Variants in GFRA1 observed in about 807,000 individuals in gnomAD.
The protein encoded by GFRA1 is GDNF family receptor alpha-1.
Under a neutral mutation model 51.6 loss-of-function variants are expected in GFRA1, and 16 were observed. The ratio of observed to expected loss-of-function variants is 0.31; its 90% CI spans 0.21 to 0.47. The LOEUF (loss-of-function observed/expected upper bound fraction) is 0.47, where lower values mean the gene tolerates loss of function less well. Ranked by LOEUF, GFRA1 falls within the 20% of genes least tolerant of loss-of-function variation. The probability of loss-of-function intolerance (pLI) is 1.00; values close to 1 mark genes in which losing one functional copy is unlikely to be tolerated. For missense variants in GFRA1, 530 were observed against 594.3 expected, an observed-to-expected ratio of 0.89 and a Z score of 1.13; for synonymous variants, 270 against 241.3, an observed-to-expected ratio of 1.12 and a Z score of -1.10.
At chr10:116,267,432 C>T (rs931190141) in intron 4 of GFRA1, among the ~76,000 whole-genome samples, 1 of 152,154 alleles carries the variant, frequency 6.6e-6, no homozygotes, top group African/African-American at 2.4e-5. Flanking sequence ...TGCCACTGCA[C>T]TCCAGCCTGG....
intron 5 of GFRA1, among the ~76,000 whole-genome samples, chr10:116,177,898 A>T (rs1364364641): frequency 6.6e-6 from 1 of 152,178 alleles, no homozygotes; most frequent in Non-Finnish European, 1.5e-5. Flanking sequence ...CCAGAGAGCC[A>T]GGGCCATGGT....
intron 6 of GFRA1, among the ~76,000 whole-genome samples, chr10:116,106,041 G>A (rs1296546290): frequency 6.6e-6 from 1 of 152,172 alleles, no homozygotes; most frequent in Non-Finnish European, 1.5e-5. Context: ...GGAGGCAAGT[G>A]AGGGTGTCAT....
rs1954855916 is a variant in GFRA1 at position 116,062,330 on chromosome 10, CTTACT to C, written c.*2063_*2067del. The C allele has an allele frequency of 2.6e-6, 1 of 391,244 alleles. No individual in the cohort carries two copies. The highest frequency in any genetic ancestry group is 1.4e-4 in the South Asian group (1 of 6,962). 24.2% of individuals were successfully genotyped at this position (391,244 alleles called of 1,614,324 possible). On this transcript the variant is annotated 3_prime_UTR_variant, in exon 11 of 11. Transcript: ENST00000355422. ...CTGGCATTCCAAATATTTTGACACA[CTTACT>C]TAATGTGTTTATTCAAAGTAAGAGT... is the stretch of plus-strand genomic sequence containing the variant.
intron 5 of GFRA1, among the ~76,000 whole-genome samples, chr10:116,191,764 C>G (rs900410000): frequency 6.6e-6 from 1 of 152,234 alleles, no homozygotes. Context: ...CAGTGGCTCA[C>G]GCCTGTAATC....
chr10:116,125,665 T>TA lies in GFRA1; in HGVS notation c.434-109dup. 1.3e-5 allele frequency: 11 copies of TA among 851,818 alleles called. 2 individuals carry two copies. The South Asian group carries it at 1.6e-4, about 12-fold the overall frequency. The allele number at this position is 851,818 out of a possible 1,614,324, so 52.8% of individuals were successfully genotyped here. ...ATTTATCTGGCATTGCCAGCGGCTC[T>TA]AGAACTTAATGAGTTTTGAAGCTAA... On this transcript the variant is annotated intron_variant, in intron 5 of 10. Coordinates refer to ENST00000355422, the MANE Select transcript of GFRA1 (RefSeq NM_005264.8).
intron 5 of GFRA1, among the ~76,000 whole-genome samples, chr10:116,197,647 G>A (rs1054618462): frequency 3.9e-5 from 6 of 152,124 alleles, no homozygotes; most frequent in African/African-American, 9.7e-5. Context: ...ATGAGGTCAC[G>A]TTCTGAGGTT....
chr10:116,187,984 G>C (rs113837355), intron 5 of GFRA1, among the ~76,000 whole-genome samples: 2,880 of 152,216 alleles, frequency 0.019, 48 homozygotes, highest in South Asian at 0.038. Context: ...TGGCAGATAT[G>C]AATCTAGACA....
At chr10:116,247,950 A>G (rs1209791159) in intron 4 of GFRA1, among the ~76,000 whole-genome samples, 1 of 152,170 alleles carries the variant, frequency 6.6e-6, no homozygotes, top group Non-Finnish European at 1.5e-5. Flanking sequence ...CTTTAAGGAG[A>G]CTTCAGCTTT....
chr10:116,200,812 G>T (rs777160471), intron 5 of GFRA1, among the ~76,000 whole-genome samples: 1 of 152,198 alleles, frequency 6.6e-6, no homozygotes, highest in Non-Finnish European at 1.5e-5. Context: ...ACACATTGGG[G>T]TTAGGATTTT....
At chr10:116,199,228 A>G (rs1273898747) in intron 5 of GFRA1, among the ~76,000 whole-genome samples, 3 of 152,158 alleles carry the variant, frequency 2.0e-5, no homozygotes, top group Non-Finnish European at 4.4e-5. Flanking sequence ...TAACTGCAGC[A>G]TCCAAGTCCA....
chr10:116,156,701 G>A lies in GFRA1; in HGVS notation c.434-31144C>T, dbSNP rs180731680. ...TAAATCATGTTAACCATCTGTTTTT[G>A]GCTGACAAAAGCAGCAAATGGAAAG... On this transcript the variant is annotated intron_variant, in intron 5 of 10. Transcript: ENST00000355422. 3.9e-5 allele frequency among the ~76,000 whole-genome samples: 6 copies of A among 152,238 alleles called. No homozygotes were observed. The East Asian group carries it at 1.2e-3, about 29-fold the overall frequency.
chr10:116,268,498 T>C (rs563228315), intron 4 of GFRA1, among the ~76,000 whole-genome samples: 1 of 152,322 alleles, frequency 6.6e-6, no homozygotes, highest in Admixed American at 6.5e-5. Flanking sequence ...AATGGATGTT[T>C]GGTGAATGGA....
intron 5 of GFRA1, among the ~76,000 whole-genome samples, chr10:116,203,273 G>A (rs1442333739): frequency 2.0e-5 from 3 of 152,208 alleles, no homozygotes; most frequent in East Asian, 1.9e-4. Context: ...ACAATCGTAT[G>A]TAATTCTCTG....
intron 4 of GFRA1, among the ~76,000 whole-genome samples, chr10:116,253,436 C>T (rs906658624): frequency 6.6e-6 from 1 of 152,110 alleles, no homozygotes; most frequent in Admixed American, 6.5e-5. Flanking sequence ...GGTGAAATCC[C>T]ATCTCTACTA....
intron 9 of GFRA1, among the ~76,000 whole-genome samples, chr10:116,081,979 A>C (rs1955870812): frequency 6.6e-6 from 1 of 152,234 alleles, no homozygotes; most frequent in Non-Finnish European, 1.5e-5. Flanking sequence ...TTAAAGACAA[A>C]GATGAAGCAA....
chr10:116,242,240 G>A (rs541596130), intron 4 of GFRA1, among the ~76,000 whole-genome samples: 2 of 152,296 alleles, frequency 1.3e-5, no homozygotes, highest in East Asian at 3.9e-4. Flanking sequence ...AGGGAGACAA[G>A]TGTCTCTGGT....
intron 8 of GFRA1, among the ~76,000 whole-genome samples, chr10:116,090,488 T>C (rs1323600618): frequency 6.7e-6 from 1 of 148,892 alleles, no homozygotes; most frequent in African/African-American, 2.4e-5. Context: ...TAGTGAAAAT[T>C]TAAGTAAGAT....
intron 4 of GFRA1, among the ~76,000 whole-genome samples, chr10:116,232,664 T>G (rs985078007): frequency 6.6e-6 from 1 of 152,190 alleles, no homozygotes; most frequent in African/African-American, 2.4e-5. Context: ...TTACAGCTTG[T>G]TCTGAAGTTT....
intron 5 of GFRA1, among the ~76,000 whole-genome samples, chr10:116,177,834 A>C (rs1465729555): frequency 6.6e-6 from 1 of 152,154 alleles, no homozygotes; most frequent in African/African-American, 2.4e-5. Context: ...CTGAGGACAA[A>C]GCCAAGTGTC....
Sources: gnomAD v4.1 joint callset for allele counts (sites outside exome capture counted in the v4.1 genomes callset) on GRCh38, gnomAD v4.1.1 for gene constraint, MANE v1.5 for transcripts, NCBI Gene and HGNC (gene_info 2026-07-23, HGNC 2026-07-21) for gene names.